Variants in FER1L6 observed in about 807,000 individuals in gnomAD.
FER1L6 encodes the protein fer-1-like protein 6.
Under a neutral mutation model 219.2 loss-of-function variants are expected in FER1L6, and 177 were observed. That is an observed-to-expected ratio of 0.81 (90% CI 0.71 to 0.91). The LOEUF (loss-of-function observed/expected upper bound fraction) is 0.91. FER1L6 is among the 40% of genes least tolerant of loss of function. The probability of loss-of-function intolerance (pLI) is 0.00; values close to 1 mark genes in which losing one functional copy is unlikely to be tolerated. For synonymous variants in FER1L6, 768 were observed against 824.3 expected (o/e 0.93, Z 1.17); for missense variants, 2,153 against 2,259.9 (o/e 0.95, Z 0.96).
Position 123,977,469 on chromosome 8 carries a change from T to G in FER1L6, c.923T>G (p.Val308Gly). ...GCTGATCCTGTGTGGCATGAACAGG[T>G]GATCTTCAAGGAAATGTTCCCTCCC... Reference protein sequence around the residue: ...NCADPVWHEQVIFKEMFPPLC... With the variant: ...NCADPVWHEQGIFKEMFPPLC... The change falls in exon 10 of 41, where the codon GTG (valine) becomes GGG (glycine). Residue 308 changes from valine (V) to glycine (G), a missense_variant. By Grantham distance (109) the Val-to-Gly change is moderately radical. Coordinates refer to ENST00000522917, the MANE Select transcript of FER1L6 (RefSeq NM_001039112.2). 1 of 1,614,086 alleles carries G rather than the reference T, an allele frequency of 6.2e-7. No individual in the cohort carries two copies. Among genetic ancestry groups the G allele is most frequent in the Non-Finnish European group, 8.5e-7 (1 of 1,179,990 alleles).
chr8:124,013,397 G>A lies in FER1L6; in HGVS notation c.1822-34G>A, dbSNP rs376574460. 2.3e-4 allele frequency: 304 copies of A among 1,332,018 alleles called. 3 individuals carry two copies. The highest frequency in any genetic ancestry group is 1.6e-4 in the African/African-American group (11 of 67,960). The allele number at this position is 1,332,018 out of a possible 1,614,324, so 82.5% of individuals were successfully genotyped here. On this transcript the variant is annotated intron_variant, in intron 14 of 40. Transcript: ENST00000522917. ...CTCTACTACCAATCTCATTACCACC[G>A]CCTCATCTCTCCACCCCTGTGGTTT... is the stretch of plus-strand genomic sequence containing the variant.
chr8:124,048,535 T>C (rs775486128), intron 21 of FER1L6, among the ~76,000 whole-genome samples: 13 of 152,230 alleles, frequency 8.5e-5, no homozygotes, highest in Non-Finnish European at 1.6e-4. Flanking sequence ...TATAGAAACA[T>C]ATGGCCTACA....
intron 17 of FER1L6, among the ~76,000 whole-genome samples, chr8:124,022,410 A>G (rs1004138925): frequency 1.3e-5 from 2 of 152,190 alleles, no homozygotes; most frequent in African/African-American, 4.8e-5. Context: ...AAAACAATAT[A>G]CTTCCTTTTT....
intron 5 of FER1L6, among the ~76,000 whole-genome samples, chr8:123,968,558 G>A (rs1815660754): frequency 6.6e-6 from 1 of 152,236 alleles, no homozygotes; most frequent in Admixed American, 6.5e-5. Flanking sequence ...TCCAAAGGAA[G>A]CCACAGCATC....
In FER1L6 at chr8:123,945,875, T is replaced by C. The variant is rs375039407; in HGVS notation, c.-7-10117T>C. ...GAACTGCTTTTGCTTTTAACAGATA[T>C]GAACTTCCTTTCATATGTCTTTAGT... On this transcript the variant is annotated intron_variant, in intron 1 of 40. Coordinates refer to ENST00000522917, the MANE Select transcript of FER1L6 (RefSeq NM_001039112.2). 1.6e-4 allele frequency among the ~76,000 whole-genome samples: 25 copies of C among 152,326 alleles called. 1 individual carries two copies. The South Asian group carries it at 4.1e-3, about 25-fold the overall frequency.
chr8:124,014,820 A>G (rs1350680386), intron 15 of FER1L6, among the ~76,000 whole-genome samples: 1 of 152,236 alleles, frequency 6.6e-6, no homozygotes, highest in Non-Finnish European at 1.5e-5. Flanking sequence ...TCAGTGGCTT[A>G]ACATCATAGT....
chr8:123,863,417 G>T (rs1201699020), intron 1 of FER1L6, among the ~76,000 whole-genome samples: 1 of 27,952 alleles, frequency 3.6e-5, no homozygotes, highest in Non-Finnish European at 6.9e-5. Context: ...GTCAATTTTG[G>T]AATAGGTGTG....
intron 19 of FER1L6, chr8:124,036,171 G>A (rs1819198108): frequency 6.6e-6 from 1 of 152,076 alleles, no homozygotes. Flanking sequence ...TGAGTTTTGG[G>A]TTGAGCCAAT....
At position 124,003,189 on chromosome 8, in the gene FER1L6, T is replaced by G. The variant is rs773599323; in HGVS notation, c.1542T>G (p.Asp514Glu). The G allele has an allele frequency of 2.5e-6, 4 of 1,613,918 alleles. No homozygotes were observed. The African/African-American group carries it at 5.3e-5, about 22-fold the overall frequency. The change falls in exon 13 of 41, where the codon GAT (aspartate) becomes GAG (glutamate). Residue 514 changes from aspartate (D) to glutamate (E), a missense_variant. Asp to Glu is a conservative substitution (Grantham distance 45, BLOSUM62 2). Transcript: ENST00000522917. ...VSIGNFGNLI[D>E]GGSHHGSKKS... ...CAGGTAATTTTGGAAACCTGATTGATGGAGGATCCCATCATGGGAGTAAGA... is the reference window on the plus strand; with the variant it reads ...CAGGTAATTTTGGAAACCTGATTGAGGGAGGATCCCATCATGGGAGTAAGA...
At chr8:124,053,418 ACTT>A (rs1398398217) in intron 22 of FER1L6, among the ~76,000 whole-genome samples, 2 of 152,202 alleles carry the variant, frequency 1.3e-5, no homozygotes, top group Admixed American at 6.5e-5. Context: ...TTTCATTAGG[ACTT>A]CTTCTCTTTT....
At chr8:123,884,193 C>T (rs1411217719) in intron 1 of FER1L6, among the ~76,000 whole-genome samples, 1 of 152,188 alleles carries the variant, frequency 6.6e-6, no homozygotes, top group Non-Finnish European at 1.5e-5. Context: ...GTGTGTGCTG[C>T]CCCAGAGTTG....
intron 9 of FER1L6, 79 bp downstream of exon 9, chr8:123,976,163 A>G: frequency 8.5e-7 from 1 of 1,182,970 alleles, no homozygotes; most frequent in Non-Finnish European, 1.2e-6. Flanking sequence ...ATCAAATCAA[A>G]TTAATAAAAA....
At chr8:123,875,452 A>G (rs546265075) in intron 1 of FER1L6, among the ~76,000 whole-genome samples, 29 of 152,166 alleles carry the variant, frequency 1.9e-4, no homozygotes, top group Non-Finnish European at 4.3e-4. Flanking sequence ...TCAGGGCTTA[A>G]GCCTTGCTCC....
At chr8:124,052,698 T>C (rs935512332) in intron 22 of FER1L6, among the ~76,000 whole-genome samples, 12 of 151,988 alleles carry the variant, frequency 7.9e-5, no homozygotes, top group Middle Eastern at 3.2e-3. Context: ...GGCGCCTGAA[T>C]CACTTGAACC....
intron 27 of FER1L6, 49 bp downstream of exon 27, chr8:124,066,599 C>T (rs1246035345): frequency 6.2e-7 from 1 of 1,600,988 alleles, no homozygotes; most frequent in African/African-American, 1.3e-5. Flanking sequence ...TAAGGAAACA[C>T]AGCACCTTCT....
intron 33 of FER1L6, among the ~76,000 whole-genome samples, chr8:124,084,698 T>C (rs907446445): frequency 6.6e-6 from 1 of 152,186 alleles, no homozygotes; most frequent in African/African-American, 2.4e-5. Flanking sequence ...TGAACACTTT[T>C]GCATCAGTGT....
intron 16 of FER1L6, among the ~76,000 whole-genome samples, chr8:124,019,148 A>G (rs1818338700): frequency 6.6e-6 from 1 of 152,224 alleles, no homozygotes; most frequent in African/African-American, 2.4e-5. Flanking sequence ...CTTTTGCATG[A>G]TACATTGGGC....
Position 124,045,781 on chromosome 8 carries a change from C to G in FER1L6, c.2604C>G (p.Thr868=). 1 of 1,614,036 alleles carries G rather than the reference C, an allele frequency of 6.2e-7. No homozygotes were observed. Among genetic ancestry groups the G allele is most frequent in the Non-Finnish European group, 8.5e-7 (1 of 1,179,986 alleles). ...CCTGCTTCCAGATAATCTCCCAGAC[C>G]CTCTCTCCGACCTGGAACCAGATGC... ...HCQTTKIISQ[T]LSPTWNQMLL... is the part of the protein sequence containing the mutation. Residue 868 remains threonine (T), a synonymous_variant, in exon 21 of 41, where the codon ACC becomes ACG. Transcript: ENST00000522917.
At chr8:123,945,348 G>A (rs773413681) in intron 1 of FER1L6, among the ~76,000 whole-genome samples, 4 of 152,192 alleles carry the variant, frequency 2.6e-5, no homozygotes, top group Non-Finnish European at 4.4e-5. Flanking sequence ...TAAAGAACCT[G>A]AGCAGAGCCT....
Sources: gnomAD v4.1 joint callset for allele counts (sites outside exome capture counted in the v4.1 genomes callset) on GRCh38, gnomAD v4.1.1 for gene constraint, MANE v1.5 for transcripts, NCBI Gene and HGNC (gene_info 2026-07-23, HGNC 2026-07-21) for gene names.